HELB: variants seen among roughly 807,000 people sequenced by gnomAD.
The protein encoded by HELB is DNA helicase B.
In HELB, 96 loss-of-function variants were observed where a neutral mutation model predicts 101.7. The observed-to-expected ratio is 0.94, with a 90% CI of 0.80 to 1.12. The LOEUF (loss-of-function observed/expected upper bound fraction) is 1.12. Ranked by LOEUF, HELB falls within the 50% of genes most tolerant of loss-of-function variation. HELB has a pLI of 0.00. For synonymous variants in HELB, 437 were observed against 459.7 expected, an observed-to-expected ratio of 0.95 and a Z score of 0.63; for missense variants, 1,210 against 1,291.9, an observed-to-expected ratio of 0.94 and a Z score of 0.97.
downstream of HELB, chr12:66,339,977 GTA>G (rs2137023764): frequency 1.3e-5 from 2 of 152,312 alleles, no homozygotes; most frequent in East Asian, 3.9e-4. Flanking sequence ...TAATATCCCA[GTA>G]TATGGATAAA....
At chr12:66,335,663 A>T (rs1225251674) in intron 12 of HELB, among the ~76,000 whole-genome samples, 1 of 152,202 alleles carries the variant, frequency 6.6e-6, no homozygotes, top group Non-Finnish European at 1.5e-5. Flanking sequence ...TTCATGATTC[A>T]GGGAGAGAGG....
At chr12:66,328,220 C>T (rs906290156) in intron 11 of HELB, among the ~76,000 whole-genome samples, 4 of 152,102 alleles carry the variant, frequency 2.6e-5, no homozygotes, top group Admixed American at 1.3e-4. Context: ...AGCTATTGAG[C>T]GCTGGAAATG....
rs770222252 is a variant in HELB, at chr12:66,331,554, G to C, written c.3071G>C (p.Gly1024Ala). The C allele has an allele frequency of 1.9e-6, 3 of 1,613,974 alleles. No homozygotes were observed. Among genetic ancestry groups the C allele is most frequent in the Admixed American group, 1.7e-5 (1 of 60,028 alleles). ...AERWQLSSPD[G>A]VDTDDDLPKS... is the part of the protein sequence containing the mutation. Reference sequence around the variant, plus strand: ...AGATGGCAATTATCTTCACCTGATGGAGTAGATACAGATGATGATTTACCA... The same window carrying C: ...AGATGGCAATTATCTTCACCTGATGCAGTAGATACAGATGATGATTTACCA... Residue 1024 changes from glycine (G) to alanine (A), a missense_variant, in exon 12 of 13, where the codon GGA (glycine) becomes GCA (alanine). Around this residue, in one of 2 missense-constraint regions of HELB, gnomAD observed 740 missense variants for 728.8 expected, o/e 1.02. Transcript: ENST00000247815.
At chr12:66,325,548 C>A (rs1436099576) in intron 11 of HELB, among the ~76,000 whole-genome samples, 1 of 152,142 alleles carries the variant, frequency 6.6e-6, no homozygotes, top group Non-Finnish European at 1.5e-5. Context: ...AAATTTTGTA[C>A]TGGAGGTGAG....
rs373357487 is a variant in HELB, at chr12:66,311,416, T to A, written c.1680+808T>A. Among the ~76,000 whole-genome samples the A allele has an allele frequency of 2.6e-5, 4 of 152,284 alleles. No homozygotes were observed. The East Asian group carries it at 7.7e-4, about 29-fold the overall frequency. On this transcript the variant is annotated intron_variant, in intron 4 of 12. Coordinates refer to ENST00000247815, the MANE Select transcript of HELB (RefSeq NM_001370285.1). Reference sequence around the variant, plus strand: ...GGTCGAAGCTGCAGTGAGCCGTGTTTAGACCACTGCACTCCAGCCTGGGTG... The same window carrying A: ...GGTCGAAGCTGCAGTGAGCCGTGTTAAGACCACTGCACTCCAGCCTGGGTG...
intron 6 of HELB, among the ~76,000 whole-genome samples, chr12:66,315,709 G>T (rs535210266): frequency 1.6e-4 from 24 of 152,252 alleles, no homozygotes; most frequent in East Asian, 3.9e-4. Context: ...GTTCATTTAC[G>T]TGCAAGGGAG....
chr12:66,321,906 T>G, intron 7 of HELB, 42 bp from the exon 8 acceptor site: 1 of 738,884 alleles, frequency 1.4e-6, no homozygotes, highest in South Asian at 1.5e-5. Context: ...GTGTTATAAT[T>G]TGGTGATTTG....
chr12:66,313,224 T>C (rs988763234), intron 4 of HELB, among the ~76,000 whole-genome samples: 6 of 140,366 alleles, frequency 4.3e-5, no homozygotes, highest in Non-Finnish European at 9.7e-5. Context: ...GAAGATGTGA[T>C]ATGATACCAT....
At chr12:66,333,647 G>A (rs1220586588) in intron 12 of HELB, among the ~76,000 whole-genome samples, 21 of 152,086 alleles carry the variant, frequency 1.4e-4, no homozygotes, top group Admixed American at 1.4e-3. Context: ...TTGCACCACT[G>A]CACTCCAGCA....
intron 6 of HELB, 43 bp from the exon 7 acceptor site, chr12:66,318,595 G>C: frequency 1.3e-6 from 2 of 1,537,488 alleles, no homozygotes; most frequent in Non-Finnish European, 1.7e-6. Context: ...AGACATTTTT[G>C]GATGATAATG....
chr12:66,330,258 CT>C (rs2053789986), intron 11 of HELB, among the ~76,000 whole-genome samples: 1 of 152,074 alleles, frequency 6.6e-6, no homozygotes, highest in South Asian at 2.1e-4. Context: ...GAGTATTTTT[CT>C]TGCCTATCCA....
rs957834515 is a variant in HELB, at chr12:66,322,107, A to G, written c.2237+78A>G. ...ACTTATTAATATAGATCCTGTTTGG[A>G]TGGGAGATTCCAATATTTCATCACT... On this transcript the variant is annotated intron_variant, in intron 8 of 12. Coordinates refer to ENST00000247815, the MANE Select transcript of HELB (RefSeq NM_001370285.1). 1.5e-5 allele frequency: 9 copies of G among 607,636 alleles called. No individual in the cohort carries two copies. In the Admixed American group the frequency reaches 2.5e-4, roughly 17 times the overall value. 37.6% of individuals were successfully genotyped at this position (607,636 alleles called of 1,614,324 possible). A position where few individuals can be genotyped will look rare whatever the true frequency, so the allele number is the denominator to read the frequency against.
At chr12:66,327,802 TAAAAAC>T (rs2053759311) in intron 11 of HELB, among the ~76,000 whole-genome samples, 1 of 151,910 alleles carries the variant, frequency 6.6e-6, no homozygotes, top group African/African-American at 2.4e-5. Flanking sequence ...ATAAAAAAAA[TAAAAAC>T]AAGAAAGAAA....
chr12:66,315,223 G>T lies in HELB; in HGVS notation c.1859-19G>T, dbSNP rs752454626. 8 of 1,529,646 alleles carry T rather than the reference G, an allele frequency of 5.2e-6. No individual in the cohort carries two copies. The highest frequency in any genetic ancestry group is 1.3e-5 in the South Asian group (1 of 77,826). 94.8% of individuals were successfully genotyped at this position (1,529,646 alleles called of 1,614,324 possible). On this transcript the variant is annotated intron_variant, in intron 5 of 12. Coordinates refer to ENST00000247815, the MANE Select transcript of HELB (RefSeq NM_001370285.1). Reference sequence around the variant, plus strand: ...TTTTCTCAGAGTAAGTCTTGCTACTGTATCTTTTTTTCTTTTAGGTGACAT... The same window carrying T: ...TTTTCTCAGAGTAAGTCTTGCTACTTTATCTTTTTTTCTTTTAGGTGACAT...
At chr12:66,333,001 C>T (rs1211793367) in intron 12 of HELB, among the ~76,000 whole-genome samples, 2 of 151,748 alleles carry the variant, frequency 1.3e-5, no homozygotes, top group East Asian at 3.9e-4. Context: ...ATCTTGAATG[C>T]CTTTTTCTGT....
chr12:66,327,412 T>G (rs2053754667), intron 11 of HELB, among the ~76,000 whole-genome samples: 1 of 152,172 alleles, frequency 6.6e-6, no homozygotes, highest in Non-Finnish European at 1.5e-5. Flanking sequence ...TACCTAAATT[T>G]CTTATCAAAC....
chr12:66,323,947 C>G, intron 9 of HELB, 36 bp from the exon 10 acceptor site: 3 of 1,432,398 alleles, frequency 2.1e-6, no homozygotes, highest in Non-Finnish European at 2.9e-6. Context: ...GGAGACTTTC[C>G]AAACTTTGAT....
At position 66,318,667 on chromosome 12, in the gene HELB, A is replaced by G. The variant is rs1226216365; in HGVS notation, c.2030A>G (p.Asp677Gly). The G allele has an allele frequency of 6.3e-7, 1 of 1,597,202 alleles. No homozygotes were observed. Among genetic ancestry groups the G allele is most frequent in the South Asian group, 1.1e-5 (1 of 87,176 alleles). The change falls in exon 7 of 13, where the codon GAT becomes GGT. Residue 677 changes from aspartate to glycine, a missense_variant. Asp to Gly is a moderately conservative substitution (Grantham distance 94). This residue lies in a region of HELB where 740 missense variants were observed against 728.8 expected (regional missense o/e 1.02). Coordinates refer to ENST00000247815, the MANE Select transcript of HELB (RefSeq NM_001370285.1). ...TCAAGACGCCAATTTCCAAAATTTGATGCAGAACTAAATATCTCTGATAAT... is the reference window on the plus strand; with the variant it reads ...TCAAGACGCCAATTTCCAAAATTTGGTGCAGAACTAAATATCTCTGATAAT... Reference protein sequence around the residue: ...RISRRQFPKFDAELNISDNPT... With the variant: ...RISRRQFPKFGAELNISDNPT...
chr12:66,318,543 G>T, intron 6 of HELB, 95 bp from the exon 7 acceptor site: 1 of 1,113,852 alleles, frequency 9.0e-7, no homozygotes. Context: ...TCTATTAATA[G>T]ATACTAATTA....
Sources: allele counts gnomAD v4.1 joint callset (sites outside exome capture counted in the v4.1 genomes callset), GRCh38; gene constraint gnomAD v4.1.1; regional missense constraint gnomAD v4.1.1; transcripts MANE v1.5; gene names NCBI Gene and HGNC (gene_info 2026-07-23, HGNC 2026-07-21).